The following ZNF217 variants were observed in gnomAD, a reference collection of about 807,000 sequenced individuals.
ZNF217 encodes zinc finger protein 217.
A neutral mutation model predicts 73.3 loss-of-function variants in ZNF217; 12 were observed. The ratio of observed to expected loss-of-function variants is 0.16; its 90% confidence interval spans 0.10 to 0.27. ZNF217 has a LOEUF of 0.27. Among genes scored for constraint, ZNF217 ranks in the 10% least tolerant of loss-of-function variants. ZNF217 has a pLI of 1.00. For missense variants in ZNF217, 1,195 were observed against 1,327.8 expected (o/e 0.90, Z 1.55); for synonymous variants, 588 against 516.4 (o/e 1.14, Z -1.88).
At chr20:53,575,358 A>C (rs6068585) in intron 4 of ZNF217, 24,869 of 175,490 alleles carry the variant, frequency 0.14, 1,996 homozygotes, top group African/African-American at 0.21. Flanking sequence ...ATATAGTCTC[A>C]GCTACCTGGG....
intron 1 of ZNF217, among the ~76,000 whole-genome samples, chr20:53,593,019 A>G (rs546737734): frequency 6.6e-6 from 1 of 151,998 alleles, no homozygotes; most frequent in Admixed American, 6.5e-5. Context: ...AAAATCTTTA[A>G]AATTAGAGGA....
In ZNF217 at chr20:53,578,315, AAAAAT is replaced by A; in HGVS notation, c.1483+14_1483+18del. On this transcript the variant is annotated intron_variant, in intron 3 of 5. Transcript: ENST00000371471. ...CATAATTTAACTAATGCATGGTTAA[AAAAAT>A]AAAAGTTCTTTACCTGTATGCGTTC... 6.6e-7 allele frequency: 1 copy of A among 1,524,934 alleles called. No individual in the cohort carries two copies. The highest frequency in any genetic ancestry group is 8.9e-7 in the Non-Finnish European group (1 of 1,128,748). The allele number at this position is 1,524,934 out of a possible 1,614,324, so 94.5% of individuals were successfully genotyped here. A position where few individuals can be genotyped will look rare whatever the true frequency, so the allele number is the denominator to read the frequency against.
chr20:53,584,372 G>GA lies in ZNF217; in HGVS notation c.-342-1205dup, dbSNP rs1417643584. On this transcript the variant is annotated intron_variant, in intron 1 of 5. Coordinates refer to ENST00000371471, the MANE Select transcript of ZNF217 (RefSeq NM_006526.3). Reference sequence around the variant, plus strand: ...GGCCTGCAGGCTCAGAGAAGCCAAGGAAACATCTCCTCCTTTACACTCCGA... The same window carrying GA: ...GGCCTGCAGGCTCAGAGAAGCCAAGGAAAACATCTCCTCCTTTACACTCCGA... Among the ~76,000 whole-genome samples, 3 of 152,186 alleles carry GA rather than the reference G, an allele frequency of 2.0e-5. No homozygotes were observed. In the East Asian group the frequency reaches 5.8e-4, roughly 29 times the overall value.
Position 53,575,737 on chromosome 20 carries a change from C to T in ZNF217, c.3027G>A (p.Ser1009=), listed in dbSNP as rs750952799. Residue 1009 remains serine (S), a synonymous_variant, in exon 4 of 6, where the codon TCG becomes TCA. Transcript: ENST00000371471. ...CCCCTCATGCAATACCTTCTAACGT[C>T]GAGCTGGATGCTGGACTACCAGCAG... ...CVPAGSPASS[S]TLEGKRPVSY... 3 of 1,579,572 alleles carry T rather than the reference C, an allele frequency of 1.9e-6. No individual in the cohort carries two copies. The highest frequency in any genetic ancestry group is 1.2e-5 in the South Asian group (1 of 85,856).
At position 53,581,611 on chromosome 20, in the gene ZNF217, C is replaced by T; in HGVS notation, c.1216G>A (p.Glu406Lys). Reference protein sequence around the residue: ...VHKKDRRAGAESPTMSVDGRQ... With the variant: ...VHKKDRRAGAKSPTMSVDGRQ... ...CCGTCCACAGACATGGTGGGCGACT[C>T]CGCGCCGGCCCTCCGGTCCTTCTTG... The change falls in exon 2 of 6, where the codon GAG (glutamate) becomes AAG (lysine). Residue 406 changes from glutamate to lysine, a missense_variant. Coordinates refer to ENST00000371471, the MANE Select transcript of ZNF217 (RefSeq NM_006526.3). This position sits in a 1 kb window ranked among gnomAD's most constrained non-coding sequence, Gnocchi z 4.9. 6.2e-7 allele frequency: 1 copy of T among 1,614,216 alleles called. No individual in the cohort carries two copies. Among genetic ancestry groups the T allele is most frequent in the Non-Finnish European group, 8.5e-7 (1 of 1,180,028 alleles).
rs758072080 is a variant in ZNF217 at position 53,577,228 on chromosome 20, T to C, written c.1536A>G (p.Thr512=). Residue 512 remains threonine (T), a synonymous_variant, in exon 4 of 6, where the codon ACA becomes ACG. Transcript: ENST00000371471. ...GTCTCTCCAAGTGATACCTCAGAGA[T>C]GTCTTCTGGGCTGCAGCATATTCAC... The part of the protein sequence containing the change: ...EFCEYAAAQK[T]SLRYHLERHH... The C allele has an allele frequency of 5.6e-6, 9 of 1,607,256 alleles. No homozygotes were observed. Among genetic ancestry groups the C allele is most frequent in the Non-Finnish European group, 7.6e-6 (9 of 1,180,010 alleles).
At chr20:53,573,283 C>A (rs1988098559) in intron 4 of ZNF217, among the ~76,000 whole-genome samples, 1 of 152,034 alleles carries the variant, frequency 6.6e-6, no homozygotes, top group Admixed American at 6.6e-5. Context: ...GCTACCACAC[C>A]CAGCTAATTT....
At chr20:53,597,595 T>TTA (rs931984447), upstream of ZNF217, 3 of 147,770 alleles carry the variant, frequency 2.0e-5, no homozygotes, top group East Asian at 2.1e-4. Flanking sequence ...AAAAATATAT[T>TTA]TATATATATG....
In ZNF217 at chr20:53,575,813, A is replaced by G. The variant is rs1444714924; in HGVS notation, c.2951T>C (p.Leu984Pro). ...GCCACCATAGGGCTTCTGAACAGTCAGCACATTTGGAGAATCGACCTCGCT... is the reference window on the plus strand; with the variant it reads ...GCCACCATAGGGCTTCTGAACAGTCGGCACATTTGGAGAATCGACCTCGCT... ...SSSEVDSPNV[L>P]TVQKPYGGSG... is the part of the protein sequence containing the mutation. The change falls in exon 4 of 6, where the codon CTG (leucine) becomes CCG (proline). Residue 984 changes from leucine to proline, a missense_variant. Coordinates refer to ENST00000371471, the MANE Select transcript of ZNF217 (RefSeq NM_006526.3). 7 of 1,614,028 alleles carry G rather than the reference A, an allele frequency of 4.3e-6. No individual in the cohort carries two copies. The South Asian group carries it at 6.6e-5, about 15-fold the overall frequency.
intron 5 of ZNF217, among the ~76,000 whole-genome samples, chr20:53,571,410 C>T: frequency 8.3e-6 from 1 of 119,776 alleles, no homozygotes; most frequent in Non-Finnish European, 1.7e-5. Context: ...GCCCCCGCCC[C>T]CCCTTTTTTT....
At chr20:53,585,326 G>T (rs1441633337) in intron 1 of ZNF217, among the ~76,000 whole-genome samples, 1 of 152,130 alleles carries the variant, frequency 6.6e-6, no homozygotes, top group Non-Finnish European at 1.5e-5. Context: ...TTGGGAAGCC[G>T]AAGTGGGTGG....
rs756750951 is a variant in ZNF217 at position 53,578,344 on chromosome 20, T to C, written c.1473A>G (p.Arg491=). Residue 491 remains arginine, a synonymous_variant, in exon 3 of 6, where the codon AGA becomes AGG. Coordinates refer to ENST00000371471, the MANE Select transcript of ZNF217 (RefSeq NM_006526.3). The part of the protein sequence containing the change: ...RSNYYLNIHL[R]THTGEKPYKC... ...ATAAAAGTTCTTTACCTGTATGCGTTCTGAGATGAATATTGAGGTAATAAT... is the reference window on the plus strand; with the variant it reads ...ATAAAAGTTCTTTACCTGTATGCGTCCTGAGATGAATATTGAGGTAATAAT... 1.3e-6 allele frequency: 2 copies of C among 1,586,548 alleles called. No homozygotes were observed. The highest frequency in any genetic ancestry group is 8.6e-7 in the Non-Finnish European group (1 of 1,169,522).
At position 53,582,265 on chromosome 20, in the gene ZNF217, G is replaced by C. The variant is rs1247222160; in HGVS notation, c.562C>G (p.Leu188Val). The C allele has an allele frequency of 6.2e-7, 1 of 1,614,066 alleles. No individual in the cohort carries two copies. Among genetic ancestry groups the C allele is most frequent in the African/African-American group, 1.3e-5 (1 of 74,934 alleles). ...GGACTACTCTCCAAGCCTTGCTGCA[G>C]TTTGCTTCTGGCCCCCGATTTGCCA... The part of the protein sequence containing the change: ...HNGKSGARSK[L>V]QQGLESSPAT... Residue 188 changes from leucine to valine, a missense_variant, in exon 2 of 6, where the codon CTG becomes GTG. By Grantham distance (32) the Leu-to-Val change is conservative. Coordinates refer to ENST00000371471, the MANE Select transcript of ZNF217 (RefSeq NM_006526.3). This position sits in a 1 kb window ranked among gnomAD's most constrained non-coding sequence, Gnocchi z 4.8.
At chr20:53,588,081 G>A (rs1190220284) in intron 1 of ZNF217, among the ~76,000 whole-genome samples, 1 of 151,974 alleles carries the variant, frequency 6.6e-6, no homozygotes, top group East Asian at 1.9e-4. Flanking sequence ...TGGGAAGCTT[G>A]TAAAGGAAAT....
intron 1 of ZNF217, among the ~76,000 whole-genome samples, chr20:53,589,070 A>C (rs547569037): frequency 1.3e-5 from 2 of 152,364 alleles, no homozygotes; most frequent in South Asian, 4.1e-4. Flanking sequence ...TAGAGTCTAC[A>C]TTTCCAGTCC....
intron 4 of ZNF217, among the ~76,000 whole-genome samples, chr20:53,572,406 CCT>C (rs1187095093): frequency 1.3e-5 from 2 of 150,958 alleles, no homozygotes; most frequent in East Asian, 3.9e-4. Context: ...AGAGTGTGAC[CCT>C]GTCTCACAGA....
At position 53,581,388 on chromosome 20, in the gene ZNF217, G is replaced by T. The variant is rs1988474704; in HGVS notation, c.1366+73C>A. ...CCTGGCCAGCGTTGTCTGGAGATGG[G>T]AATAGAGAGGGGGAGACGGGGAGAC... On this transcript the variant is annotated intron_variant, in intron 2 of 5. Transcript: ENST00000371471. The surrounding 1 kb of genome is among the most constrained non-coding windows in gnomAD (Gnocchi z 4.9). 1 of 1,518,936 alleles carries T rather than the reference G, an allele frequency of 6.6e-7. No individual in the cohort carries two copies. The highest frequency in any genetic ancestry group is 2.1e-5 in the Admixed American group (1 of 48,416). 94.1% of individuals were successfully genotyped at this position (1,518,936 alleles called of 1,614,324 possible).
chr20:53,570,655 G>A (rs1241938829), intron 5 of ZNF217, among the ~76,000 whole-genome samples: 2 of 152,230 alleles, frequency 1.3e-5, no homozygotes, highest in Non-Finnish European at 2.9e-5. Flanking sequence ...TGAGCCTTAC[G>A]GGACGGCGGT....
rs754689402 is a variant in ZNF217 at position 53,569,202 on chromosome 20, G to A, written c.*86C>T. ...CTTATTTCAGTAGCTTTCACCATTC[G>A]CTTCTCAAAGGATGAAGTAAAATTT... On this transcript the variant is annotated 3_prime_UTR_variant, in exon 6 of 6. Coordinates refer to ENST00000371471, the MANE Select transcript of ZNF217 (RefSeq NM_006526.3). The A allele has an allele frequency of 3.3e-5, 45 of 1,350,266 alleles. No homozygotes were observed. The highest frequency in any genetic ancestry group is 5.9e-5 in the African/African-American group (4 of 67,464). 83.6% of individuals were successfully genotyped at this position (1,350,266 alleles called of 1,614,324 possible).
Sources: gnomAD v4.1 joint callset for allele counts (sites outside exome capture counted in the v4.1 genomes callset) on GRCh38, gnomAD v4.1.1 for gene constraint, Gnocchi (gnomAD v3.1) non-coding constraint, MANE v1.5 for transcripts, NCBI Gene and HGNC (gene_info 2026-07-23, HGNC 2026-07-21) for gene names.